The following XPNPEP1 variants were observed in gnomAD, a reference collection of about 807,000 sequenced individuals.
The protein encoded by XPNPEP1 is xaa-Pro aminopeptidase 1.
XPNPEP1 carries 39 observed loss-of-function variants against 92.4 expected under a neutral mutation model. The ratio of observed to expected loss-of-function variants is 0.42; its 90% CI spans 0.33 to 0.55. XPNPEP1 has a LOEUF of 0.55. Among genes scored for constraint, XPNPEP1 ranks in the 20% least tolerant of loss-of-function variants. The pLI is 0.08. For missense variants in XPNPEP1, 654 were observed against 856.1 expected (o/e 0.76, Z 2.95); for synonymous variants, 307 against 299.4 (o/e 1.03, Z -0.26).
Position 109,921,797 on chromosome 10 carries a change from G to A in XPNPEP1, c.32+1605C>T, listed in dbSNP as rs141061902. On this transcript the variant is annotated intron_variant, in intron 1 of 20. Transcript: ENST00000502935. ...TAACAGGCTCTGGGACCCAAAGCAG[G>A]TCAATCCCTCCCTCTGGCCATAATG... Among the ~76,000 whole-genome samples the A allele has an allele frequency of 1.1e-3, 175 of 152,300 alleles. 1 individual carries two copies. Among genetic ancestry groups the A allele is most frequent in the Non-Finnish European group, 2.1e-3 (140 of 68,030 alleles).
At chr10:109,890,589 TGTGTGAGAGAGA>T (rs1317558021) in intron 5 of XPNPEP1, among the ~76,000 whole-genome samples, 114 of 90,984 alleles carry the variant, frequency 1.3e-3, no homozygotes, top group East Asian at 8.6e-3. Context: ...TGTGTGTGTG[TGTGTGAGAGAGA>T]GAGAGAGAGA....
chr10:109,901,652 G>C (rs1201906491), intron 3 of XPNPEP1, among the ~76,000 whole-genome samples: 1 of 152,160 alleles, frequency 6.6e-6, no homozygotes, highest in Non-Finnish European at 1.5e-5. Context: ...CTGAGAAACA[G>C]AATACTTAAT....
At chr10:109,890,776 T>C (rs1848665880) in intron 5 of XPNPEP1, among the ~76,000 whole-genome samples, 1 of 152,126 alleles carries the variant, frequency 6.6e-6, no homozygotes, top group Non-Finnish European at 1.5e-5. Flanking sequence ...AACACATGTG[T>C]GTGTATGTGG....
intron 2 of XPNPEP1, among the ~76,000 whole-genome samples, chr10:109,911,899 T>C (rs1015183128): frequency 1.3e-5 from 2 of 152,248 alleles, no homozygotes; most frequent in African/African-American, 4.8e-5. Flanking sequence ...GGGTGTTTAG[T>C]GCTGATTGTA....
chr10:109,915,293 T>G, intron 1 of XPNPEP1, 194 bp from the exon 2 acceptor site: 1 of 375,214 alleles, frequency 2.7e-6, no homozygotes, highest in Non-Finnish European at 4.8e-6. Context: ...CATGGCAGGT[T>G]AACCTTCTCA....
rs1319175987 is a variant in XPNPEP1 at position 109,867,936 on chromosome 10, CTG to C, written c.1872+676_1872+677del. Among the ~76,000 whole-genome samples the C allele has an allele frequency of 6.6e-6, 1 of 152,202 alleles. No individual in the cohort carries two copies. Among genetic ancestry groups the C allele is most frequent in the Non-Finnish European group, 1.5e-5 (1 of 68,042 alleles). On this transcript the variant is annotated intron_variant, in intron 20 of 20. Transcript: ENST00000502935. The surrounding 1 kb of genome is among the most constrained non-coding windows in gnomAD (Gnocchi z 4.5). The stretch of plus-strand genomic sequence containing the variant: ...TTGTTTCTGCTCTGACCTTGAACAT[CTG>C]TGTGATTCTTCAGGCCTTTCTCATG...
intron 3 of XPNPEP1, among the ~76,000 whole-genome samples, chr10:109,904,705 G>C (rs1442165092): frequency 2.6e-5 from 4 of 152,044 alleles, no homozygotes; most frequent in African/African-American, 4.8e-5. Context: ...CTAACCATCA[G>C]GTAATGCAAA....
chr10:109,907,057 T>A (rs1206911136), intron 3 of XPNPEP1, among the ~76,000 whole-genome samples: 1 of 152,230 alleles, frequency 6.6e-6, no homozygotes. Context: ...CTATATCATG[T>A]CTAATACCTG....
intron 15 of XPNPEP1, among the ~76,000 whole-genome samples, chr10:109,874,530 G>A (rs772627947): frequency 1.3e-5 from 2 of 152,224 alleles, no homozygotes; most frequent in Non-Finnish European, 2.9e-5. Flanking sequence ...GCTCTAGGCT[G>A]ATATTATTAA....
chr10:109,902,977 T>C (rs887580972), intron 3 of XPNPEP1, among the ~76,000 whole-genome samples: 1 of 152,166 alleles, frequency 6.6e-6, no homozygotes, highest in Non-Finnish European at 1.5e-5. Flanking sequence ...ACACCTACTG[T>C]CAAAGATAGA....
At chr10:109,873,284 C>T in intron 16 of XPNPEP1, 83 bp downstream of exon 16, 1 of 1,552,272 alleles carries the variant, frequency 6.4e-7, no homozygotes, top group Non-Finnish European at 8.9e-7. Context: ...ATTTTTACTT[C>T]TTTATACAAT....
chr10:109,890,019 T>C (rs951151644), intron 5 of XPNPEP1, among the ~76,000 whole-genome samples: 7 of 152,292 alleles, frequency 4.6e-5, no homozygotes, highest in African/African-American at 1.7e-4. Flanking sequence ...GATGAAGTCA[T>C]GTCATTTCCT....
chr10:109,892,906 G>C, intron 4 of XPNPEP1, 106 bp downstream of exon 4: 1 of 1,134,404 alleles, frequency 8.8e-7, no homozygotes, highest in South Asian at 1.4e-5. Context: ...GGAGCATCTG[G>C]TTTGCATTTT....
chr10:109,889,672 T>A (rs1331350224), intron 5 of XPNPEP1, among the ~76,000 whole-genome samples: 1 of 152,264 alleles, frequency 6.6e-6, no homozygotes, highest in African/African-American at 2.4e-5. Context: ...ATGTATACTT[T>A]TTTTAACCAA....
intron 3 of XPNPEP1, among the ~76,000 whole-genome samples, chr10:109,904,577 G>A (rs1392182173): frequency 6.6e-6 from 1 of 152,092 alleles, no homozygotes; most frequent in Non-Finnish European, 1.5e-5. Context: ...GCATATTAAA[G>A]GCCCTGAGAA....
At chr10:109,880,111 G>T in intron 12 of XPNPEP1, 77 bp downstream of exon 12, 1 of 1,411,698 alleles carries the variant, frequency 7.1e-7, no homozygotes, top group Non-Finnish European at 1.0e-6. Context: ...GAGCATGGGA[G>T]ATGCTAGAGT....
chr10:109,875,860 T>C (rs2133375864), intron 14 of XPNPEP1: 1 of 344,808 alleles, frequency 2.9e-6, no homozygotes, highest in East Asian at 5.8e-5. Flanking sequence ...TGTCTACCTC[T>C]GTTTGTGTCT....
Position 109,886,433 on chromosome 10 carries a change from G to A in XPNPEP1, c.653-92C>T. 3 of 1,187,050 alleles carry A rather than the reference G, an allele frequency of 2.5e-6. 1 individual carries two copies. The highest frequency in any genetic ancestry group is 3.7e-6 in the Non-Finnish European group (3 of 821,334). 73.5% of individuals were successfully genotyped at this position (1,187,050 alleles called of 1,614,324 possible). On this transcript the variant is annotated intron_variant, in intron 7 of 20. Coordinates refer to ENST00000502935, the MANE Select transcript of XPNPEP1 (RefSeq NM_020383.4). Reference sequence around the variant, plus strand: ...AACCTACCCTAAACATCTTTAATCAGCACCATTTCTTACAGGAGCACGCTA... The same window carrying A: ...AACCTACCCTAAACATCTTTAATCAACACCATTTCTTACAGGAGCACGCTA...
chr10:109,918,997 C>A (rs4917549), intron 1 of XPNPEP1, among the ~76,000 whole-genome samples: 151,704 of 152,218 alleles, frequency 1, 75,596 homozygotes, highest in Non-Finnish European at 1. Flanking sequence ...AAAAATTAAC[C>A]CAAATGGATC....
Sources: allele counts gnomAD v4.1 joint callset (sites outside exome capture counted in the v4.1 genomes callset), GRCh38; gene constraint gnomAD v4.1.1; non-coding constraint Gnocchi (gnomAD v3.1); transcripts MANE v1.5; gene names NCBI Gene and HGNC (gene_info 2026-07-23, HGNC 2026-07-21).